CUBN: variants seen among roughly 807,000 people sequenced by gnomAD.
CUBN encodes 460 kDa receptor.
CUBN carries 282 observed loss-of-function variants against 405.3 expected under a neutral mutation model. The observed-to-expected ratio is 0.70, with a 90% CI of 0.63 to 0.77. The LOEUF (loss-of-function observed/expected upper bound fraction) is 0.77. Among genes scored for constraint, CUBN ranks in the 30% least tolerant of loss-of-function variants. The pLI is 0.00. For missense variants in CUBN, 4,514 were observed against 4,475.2 expected, an observed-to-expected ratio of 1.01 and a Z score of -0.25; for synonymous variants, 1,684 against 1,617.0, an observed-to-expected ratio of 1.04 and a Z score of -0.99.
intron 35 of CUBN, among the ~76,000 whole-genome samples, chr10:16,947,872 C>T (rs552312154): frequency 1.3e-5 from 2 of 152,322 alleles, no homozygotes; most frequent in South Asian, 2.1e-4. Flanking sequence ...GGTAGCTCCT[C>T]GTTCCTCTCC....
rs1842255863 is a variant in CUBN, at chr10:16,928,309, T to C, written c.6125-6A>G. The C allele has an allele frequency of 1.2e-6, 2 of 1,613,652 alleles. No homozygotes were observed. Among genetic ancestry groups the C allele is most frequent in the South Asian group, 1.1e-5 (1 of 91,056 alleles). Reference sequence around the variant, plus strand: ...CTGGGCCAAGTTATTATCTCCTACGTTGAAAGAAAGGGAACAACATGAAAA... The same window carrying C: ...CTGGGCCAAGTTATTATCTCCTACGCTGAAAGAAAGGGAACAACATGAAAA... On this transcript the variant is annotated splice_region_variant and splice_polypyrimidine_tract_variant and intron_variant, in intron 40 of 66. Transcript: ENST00000377833.
chr10:16,829,358 A>AG (rs1554779107), intron 65 of CUBN, among the ~76,000 whole-genome samples: 1 of 151,198 alleles, frequency 6.6e-6, no homozygotes, highest in Non-Finnish European at 1.5e-5. Flanking sequence ...AAAAAAAAAA[A>AG]CAAACTTGAT....
chr10:17,067,424 G>T (rs763066287), intron 21 of CUBN, among the ~76,000 whole-genome samples: 2 of 152,092 alleles, frequency 1.3e-5, no homozygotes, highest in Admixed American at 6.6e-5. Context: ...GAAAAGATGA[G>T]TGAACTTGAA....
intron 7 of CUBN, 135 bp from the exon 8 acceptor site, chr10:17,114,324 T>C (rs1274460731): frequency 1.2e-6 from 1 of 858,990 alleles, no homozygotes; most frequent in Non-Finnish European, 1.9e-6. Context: ...GGCTTCTCTT[T>C]TTCTTCCCAT....
rs1835668208 is a variant in CUBN, at chr10:17,068,669, T to C, written c.2727A>G (p.Thr909=). The change falls in exon 20 of 67, where the codon ACA becomes ACG. Residue 909 remains threonine (T), a synonymous_variant. Coordinates refer to ENST00000377833, the MANE Select transcript of CUBN (RefSeq NM_001081.4). ...TTTCAGTAGAAGAACTTTTCACGAA[T>C]GTGACATAAAGAAAATTGTACACAG... is the stretch of plus-strand genomic sequence containing the variant. ...ITSVYNFLYV[T]FVKSSSTENH... 1 of 1,613,160 alleles carries C rather than the reference T, an allele frequency of 6.2e-7. No individual in the cohort carries two copies. The highest frequency in any genetic ancestry group is 1.1e-5 in the South Asian group (1 of 91,048).
chr10:17,053,075 C>CA (rs202060264), intron 22 of CUBN, among the ~76,000 whole-genome samples: 27 of 141,662 alleles, frequency 1.9e-4, no homozygotes, highest in South Asian at 6.7e-4. Flanking sequence ...TGTAAAAATA[C>CA]AAAAAAAAAG....
At chr10:17,110,094 T>A (rs910814080) in intron 9 of CUBN, among the ~76,000 whole-genome samples, 1 of 152,206 alleles carries the variant, frequency 6.6e-6, no homozygotes, top group Non-Finnish European at 1.5e-5. Context: ...TGTAGTTCCA[T>A]GTTATTTAAA....
At chr10:17,084,593 T>C (rs1335340251) in intron 16 of CUBN, 132 bp from the exon 17 acceptor site, 20 of 776,566 alleles carry the variant, frequency 2.6e-5, no homozygotes, top group Non-Finnish European at 4.2e-5. Context: ...TCACCCTCTA[T>C]AGGCTTGTGC....
chr10:16,867,018 A>G (rs1840205935), intron 59 of CUBN, among the ~76,000 whole-genome samples: 1 of 152,246 alleles, frequency 6.6e-6, no homozygotes, highest in Admixed American at 6.5e-5. Context: ...GAAAAATTGA[A>G]GCAGATGTAC....
rs370331023 is a variant in CUBN, at chr10:17,083,111, C to T, written c.2301+1160G>A. Among the ~76,000 whole-genome samples the T allele has an allele frequency of 1.8e-4, 27 of 151,864 alleles. No homozygotes were observed. In the South Asian group the frequency reaches 5.4e-3, roughly 30 times the overall value. ...TACATAAAAATATTTGAAATTCTTCCGTAGTGTAAAACTTTAATATACTTT... is the reference window on the plus strand; with the variant it reads ...TACATAAAAATATTTGAAATTCTTCTGTAGTGTAAAACTTTAATATACTTT... On this transcript the variant is annotated intron_variant, in intron 17 of 66. Coordinates refer to ENST00000377833, the MANE Select transcript of CUBN (RefSeq NM_001081.4).
chr10:17,075,540 T>G, intron 17 of CUBN, among the ~76,000 whole-genome samples: 1 of 152,202 alleles, frequency 6.6e-6, no homozygotes, highest in South Asian at 2.1e-4. Context: ...CACAAGGATA[T>G]TCAAGATGCA....
At chr10:16,851,831 ACTCT>A (rs1417620807) in intron 59 of CUBN, among the ~76,000 whole-genome samples, 1 of 26,926 alleles carries the variant, frequency 3.7e-5, no homozygotes, top group African/African-American at 1.9e-4. Flanking sequence ...TCCCTCCCTC[ACTCT>A]GTCTTTCCCT....
rs886046859 is a variant in CUBN at position 16,824,780 on chromosome 10, A to G, written c.*195T>C. 6.9e-5 allele frequency: 39 copies of G among 565,278 alleles called. No individual in the cohort carries two copies. Among genetic ancestry groups the G allele is most frequent in the Middle Eastern group, 8.8e-4 (2 of 2,272 alleles). 35.0% of individuals were successfully genotyped at this position (565,278 alleles called of 1,614,324 possible). On this transcript the variant is annotated 3_prime_UTR_variant, in exon 67 of 67. Coordinates refer to ENST00000377833, the MANE Select transcript of CUBN (RefSeq NM_001081.4). Reference sequence around the variant, plus strand: ...GGTGATCAACCTGCCTCGGCCTCCCAAAGTGCTGAGAATACAGGGGGGTGA... The same window carrying G: ...GGTGATCAACCTGCCTCGGCCTCCCGAAGTGCTGAGAATACAGGGGGGTGA...
At chr10:17,124,800 A>G (rs1240639981) in intron 4 of CUBN, among the ~76,000 whole-genome samples, 5 of 149,218 alleles carry the variant, frequency 3.4e-5, no homozygotes, top group African/African-American at 1.2e-4. Context: ...TCATAGTCCA[A>G]TTGTCTGGGT....
At chr10:16,953,373 C>T (rs953727464) in intron 32 of CUBN, among the ~76,000 whole-genome samples, 3 of 152,280 alleles carry the variant, frequency 2.0e-5, no homozygotes, top group South Asian at 2.1e-4. Flanking sequence ...TGGGAGACCT[C>T]GATCCAGGCA....
chr10:16,903,692 G>T (rs1324168617), intron 51 of CUBN, among the ~76,000 whole-genome samples: 4 of 145,722 alleles, frequency 2.7e-5, no homozygotes, highest in Admixed American at 1.4e-4. Context: ...AATAATTATT[G>T]GATAATTTTA....
intron 17 of CUBN, among the ~76,000 whole-genome samples, chr10:17,073,934 T>C (rs926561626): frequency 6.6e-6 from 1 of 152,172 alleles, no homozygotes; most frequent in African/African-American, 2.4e-5. Context: ...TGTTTGGTAA[T>C]GGAAAATGTT....
At chr10:16,852,179 C>T (rs1280340187) in intron 59 of CUBN, among the ~76,000 whole-genome samples, 3 of 107,626 alleles carry the variant, frequency 2.8e-5, no homozygotes, top group Non-Finnish European at 5.6e-5. Context: ...CTCTATCTTT[C>T]CCTCCCTCCC....
chr10:17,120,518 T>A (rs958951335), intron 6 of CUBN, among the ~76,000 whole-genome samples: 1 of 152,228 alleles, frequency 6.6e-6, no homozygotes, highest in African/African-American at 2.4e-5. Context: ...TCTTCTGTAT[T>A]CTTGCTCTCC....
Sources: allele counts gnomAD v4.1 joint callset (sites outside exome capture counted in the v4.1 genomes callset), GRCh38; gene constraint gnomAD v4.1.1; transcripts MANE v1.5; gene names NCBI Gene and HGNC (gene_info 2026-07-23, HGNC 2026-07-21).